The following GALNTL5 variants were observed in gnomAD, a reference collection of about 807,000 sequenced individuals.
GALNTL5 encodes polypeptide N-acetylgalactosaminyltransferase like 5.
Under a neutral mutation model 51.0 loss-of-function variants are expected in GALNTL5, and 44 were observed. That is an observed-to-expected ratio of 0.86 (90% CI 0.68 to 1.11). The LOEUF (loss-of-function observed/expected upper bound fraction) is 1.11, where lower values mean the gene tolerates loss of function less well. Among genes scored for constraint, GALNTL5 ranks in the 50% least tolerant of loss-of-function variants. The probability of loss-of-function intolerance (pLI) is 0.00; values close to 1 mark genes in which losing one functional copy is unlikely to be tolerated. For missense variants in GALNTL5, 528 were observed against 531.8 expected, an observed-to-expected ratio of 0.99 and a Z score of 0.07; for synonymous variants, 192 against 182.8, an observed-to-expected ratio of 1.05 and a Z score of -0.41.
intron 3 of GALNTL5, among the ~76,000 whole-genome samples, chr7:151,981,176 C>G (rs965657732): frequency 6.6e-6 from 1 of 152,166 alleles, no homozygotes; most frequent in Non-Finnish European, 1.5e-5. Context: ...AAAGTCCCAC[C>G]AGTTTCTCCT....
intron 3 of GALNTL5, among the ~76,000 whole-genome samples, chr7:151,977,145 T>C (rs1434888347): frequency 1.3e-5 from 2 of 152,160 alleles, no homozygotes; most frequent in African/African-American, 4.8e-5. Context: ...CTTTACAATA[T>C]GGCCAATAGA....
Position 151,980,737 on chromosome 7 carries a change from ATT to A in GALNTL5, c.369-2224_369-2223del, listed in dbSNP as rs61288964. Reference sequence around the variant, plus strand: ...CCGTGTGATTGCAGTGCTAACAATGATTTTTTTTTTTTTTTTTTTTTTTTTTG... The same window carrying A: ...CCGTGTGATTGCAGTGCTAACAATGATTTTTTTTTTTTTTTTTTTTTTTTG... On this transcript the variant is annotated intron_variant, in intron 3 of 8. Coordinates refer to ENST00000392800, the MANE Select transcript of GALNTL5 (RefSeq NM_145292.4). Among the ~76,000 whole-genome samples the A allele has an allele frequency of 4.1e-3, 402 of 98,886 alleles. 6 individuals carry two copies. Among genetic ancestry groups the A allele is most frequent in the African/African-American group, 0.017 (365 of 21,112 alleles). The allele number at this position is 98,886 out of a possible 152,430, so 64.9% of individuals were successfully genotyped here. A position where few individuals can be genotyped will look rare whatever the true frequency, so the allele number is the denominator to read the frequency against.
chr7:151,961,280 T>C (rs1381378258), intron 1 of GALNTL5, among the ~76,000 whole-genome samples: 1 of 151,934 alleles, frequency 6.6e-6, no homozygotes, highest in Non-Finnish European at 1.5e-5. Context: ...GGCAGGCAGA[T>C]TGCTTGAGCT....
intron 1 of GALNTL5, among the ~76,000 whole-genome samples, chr7:151,966,384 C>T (rs527606798): frequency 6.6e-6 from 1 of 152,162 alleles, no homozygotes; most frequent in African/African-American, 2.4e-5. Flanking sequence ...TTTCCTGCCT[C>T]AGCCTCCTGA....
chr7:152,014,940 T>A (rs1206041416), intron 8 of GALNTL5, 147 bp downstream of exon 8: 5 of 653,720 alleles, frequency 7.6e-6, no homozygotes, highest in Non-Finnish European at 1.3e-5. Context: ...GAAAACCAAA[T>A]ACTGCATGTT....
At chr7:152,018,045 C>T (rs2081842041) in intron 8 of GALNTL5, among the ~76,000 whole-genome samples, 1 of 152,122 alleles carries the variant, frequency 6.6e-6, no homozygotes, top group African/African-American at 2.4e-5. Flanking sequence ...GGGGTTTCAC[C>T]ATATTGGCCA....
At chr7:151,994,845 C>T (rs1304969882) in intron 5 of GALNTL5, 1 of 111,930 alleles carries the variant, frequency 8.9e-6, no homozygotes, top group Non-Finnish European at 1.9e-5. Context: ...GCAAGCTCCG[C>T]CTCCCGGGTT....
intron 7 of GALNTL5, among the ~76,000 whole-genome samples, chr7:152,010,001 GAGA>G (rs1586852691): frequency 6.6e-6 from 1 of 152,214 alleles, no homozygotes; most frequent in Admixed American, 6.5e-5. Context: ...GCTGAGCATT[GAGA>G]AGAAGACACA....
chr7:151,970,085 C>G (rs993128490), intron 2 of GALNTL5, among the ~76,000 whole-genome samples: 2 of 150,034 alleles, frequency 1.3e-5, no homozygotes, highest in Non-Finnish European at 3.0e-5. Flanking sequence ...GCTGGGACTA[C>G]AGGCGTGAGC....
intron 5 of GALNTL5, among the ~76,000 whole-genome samples, chr7:151,998,758 C>T (rs1397751909): frequency 2.3e-5 from 3 of 132,560 alleles, no homozygotes; most frequent in East Asian, 2.7e-4. Context: ...GGTGACAGAG[C>T]GAGACTCTAT....
intron 3 of GALNTL5, among the ~76,000 whole-genome samples, chr7:151,972,327 T>C (rs1586812544): frequency 2.6e-5 from 4 of 152,296 alleles, no homozygotes; most frequent in Admixed American, 2.6e-4. Context: ...TAGAGATCTA[T>C]GGAACTTTGA....
In GALNTL5 at chr7:152,003,038, T is replaced by C. The variant is rs2081602707; in HGVS notation, c.908+75T>C. 8 of 1,318,214 alleles carry C rather than the reference T, an allele frequency of 6.1e-6. No individual in the cohort carries two copies. In the East Asian group the frequency reaches 1.8e-4, roughly 30 times the overall value. 81.7% of individuals were successfully genotyped at this position (1,318,214 alleles called of 1,614,324 possible). Reference sequence around the variant, plus strand: ...CCAGGGGGAAAAAGCCTCCAGAGATTATTCTTTCAAGTTCTTGGGCTTAAT... The same window carrying C: ...CCAGGGGGAAAAAGCCTCCAGAGATCATTCTTTCAAGTTCTTGGGCTTAAT... On this transcript the variant is annotated intron_variant, in intron 6 of 8. Transcript: ENST00000392800.
intron 4 of GALNTL5, 79 bp from the exon 5 acceptor site, chr7:151,987,080 A>G (rs2081367576): frequency 3.2e-6 from 4 of 1,234,536 alleles, no homozygotes; most frequent in Admixed American, 2.9e-5. Context: ...GATTTTAGGA[A>G]TACGTCATAA....
rs745650985 is a variant in GALNTL5 at position 152,007,890 on chromosome 7, G to C, written c.972G>C (p.Gln324His). 5 of 1,612,660 alleles carry C rather than the reference G, an allele frequency of 3.1e-6. No individual in the cohort carries two copies. Among genetic ancestry groups the C allele is most frequent in the Non-Finnish European group, 4.2e-6 (5 of 1,179,174 alleles). Residue 324 changes from glutamine to histidine, a missense_variant, in exon 7 of 9, where the codon CAG becomes CAC. Physicochemically the swap from Gln to His is conservative, Grantham distance 24. Coordinates refer to ENST00000392800, the MANE Select transcript of GALNTL5 (RefSeq NM_145292.4). ...GGCATTATTTTAATGAAATTGGACA[G>C]TATGACAAGGATATGGATTTTTGGG... ...IRRHYFNEIG[Q>H]YDKDMDFWGR...
intron 3 of GALNTL5, among the ~76,000 whole-genome samples, chr7:151,979,706 C>T (rs2081255576): frequency 6.6e-6 from 1 of 152,164 alleles, no homozygotes; most frequent in Non-Finnish European, 1.5e-5. Context: ...ATCCGCCCAC[C>T]TTGGCCTCCC....
chr7:152,017,178 C>T (rs1204148271), intron 8 of GALNTL5, among the ~76,000 whole-genome samples: 1 of 152,150 alleles, frequency 6.6e-6, no homozygotes, highest in East Asian at 1.9e-4. Flanking sequence ...TGTACCTACA[C>T]AAACCTAGAT....
Position 152,019,795 on chromosome 7 carries a change from C to T in GALNTL5, c.1326C>T (p.Ser442=). 6.2e-7 allele frequency: 1 copy of T among 1,606,374 alleles called. No individual in the cohort carries two copies. The highest frequency in any genetic ancestry group is 8.5e-7 in the Non-Finnish European group (1 of 1,175,792). ...CAGAGTTGGAGGCATCTGTGAACAG[C>T]CTGTGAAAGGAAAACAAATCACTTT... The part of the protein sequence containing the change: ...VFPELEASVN[S]L Residue 442 remains serine (S), a synonymous_variant, in exon 9 of 9, where the codon AGC becomes AGT. Transcript: ENST00000392800.
At chr7:151,989,567 T>A (rs1174217252) in intron 5 of GALNTL5, among the ~76,000 whole-genome samples, 4 of 152,254 alleles carry the variant, frequency 2.6e-5, no homozygotes, top group Non-Finnish European at 5.9e-5. Flanking sequence ...AACATATATC[T>A]TTGTGTGATT....
intron 1 of GALNTL5, among the ~76,000 whole-genome samples, chr7:151,963,352 T>G (rs1461692633): frequency 1.3e-5 from 2 of 152,254 alleles, no homozygotes; most frequent in Admixed American, 1.3e-4. Context: ...TGCCATTTTC[T>G]TGTGCATTTC....
Sources: gnomAD v4.1 joint callset for allele counts (sites outside exome capture counted in the v4.1 genomes callset) on GRCh38, gnomAD v4.1.1 for gene constraint, MANE v1.5 for transcripts, NCBI Gene and HGNC (gene_info 2026-07-23, HGNC 2026-07-21) for gene names.